The following SNRPC variants were observed in gnomAD, a reference collection of about 807,000 sequenced individuals.
The protein encoded by SNRPC is U1 small nuclear ribonucleoprotein C.
In SNRPC, 5 loss-of-function variants were observed where a neutral mutation model predicts 20.0. The ratio of observed to expected loss-of-function variants is 0.25; its 90% confidence interval spans 0.13 to 0.53. The LOEUF (loss-of-function observed/expected upper bound fraction) is 0.53, where lower values mean the gene tolerates loss of function less well. Ranked by LOEUF, SNRPC falls within the 20% of genes least tolerant of loss-of-function variation. The pLI is 0.96. For synonymous variants in SNRPC, 61 were observed against 58.7 expected (o/e 1.04, Z -0.18); for missense variants, 112 against 224.1 (o/e 0.50, Z 3.19).
intron 3 of SNRPC, among the ~76,000 whole-genome samples, chr6:34,764,824 C>A (rs1171821786): frequency 6.6e-6 from 1 of 151,924 alleles, no homozygotes; most frequent in Non-Finnish European, 1.5e-5. Flanking sequence ...CAGTTTGAGA[C>A]CAGCCTGACC....
intron 5 of SNRPC, 29 bp downstream of exon 5, chr6:34,770,424 T>A: frequency 6.9e-7 from 1 of 1,441,426 alleles, no homozygotes; most frequent in South Asian, 1.1e-5. Flanking sequence ...CTTTCTAGTT[T>A]GTTCCATTTA....
chr6:34,768,719 A>G (rs891840618), intron 4 of SNRPC, among the ~76,000 whole-genome samples: 3 of 148,718 alleles, frequency 2.0e-5, no homozygotes, highest in Non-Finnish European at 3.0e-5. Context: ...CTCACTGTGT[A>G]CTCCAGCCTG....
chr6:34,763,329 TAATC>T lies in SNRPC; in HGVS notation c.160+628_160+631del, dbSNP rs562041030. Among the ~76,000 whole-genome samples, 8 of 152,304 alleles carry T rather than the reference TAATC, an allele frequency of 5.3e-5. No individual in the cohort carries two copies. In the South Asian group the frequency reaches 1.2e-3, roughly 24 times the overall value. Reference sequence around the variant, plus strand: ...GGTATATTTGAATCACGGCCTTTCTTAATCATTCATTGTACTCCAAGCTGGCAAG... The same window carrying T: ...GGTATATTTGAATCACGGCCTTTCTTATTCATTGTACTCCAAGCTGGCAAG... On this transcript the variant is annotated intron_variant, in intron 3 of 5. Coordinates refer to ENST00000244520, the MANE Select transcript of SNRPC (RefSeq NM_003093.3).
intron 4 of SNRPC, among the ~76,000 whole-genome samples, chr6:34,768,896 CGTACT>C (rs1173011685): frequency 2.6e-5 from 4 of 152,172 alleles, no homozygotes; most frequent in East Asian, 3.9e-4. Context: ...TGTACTGGGT[CGTACT>C]GTACTGTAGC....
In SNRPC at chr6:34,762,615, C is replaced by T; in HGVS notation, c.72C>T (p.His24=). 2 of 1,588,342 alleles carry T rather than the reference C, an allele frequency of 1.3e-6. No individual in the cohort carries two copies. The highest frequency in any genetic ancestry group is 1.7e-6 in the Non-Finnish European group (2 of 1,156,486). The change falls in exon 3 of 6, where the codon CAC becomes CAT. Residue 24 remains histidine, a synonymous_variant. Transcript: ENST00000244520. ...THDSPSVRKT[H]CSGRKHKENV... is the part of the protein sequence containing the mutation. ...TACAGCCATCTGTGAGAAAGACACA[C>T]TGCAGTGGAAGGAAACACAAAGAGA...
chr6:34,769,575 T>C (rs1764660446), intron 4 of SNRPC, among the ~76,000 whole-genome samples: 1 of 152,212 alleles, frequency 6.6e-6, no homozygotes, highest in African/African-American at 2.4e-5. Context: ...CATATAAGTC[T>C]TTGCATTTTC....
intron 3 of SNRPC, among the ~76,000 whole-genome samples, chr6:34,765,177 G>A (rs1041105267): frequency 6.6e-6 from 1 of 152,080 alleles, no homozygotes. Flanking sequence ...TTGCTGTGAG[G>A]GTCTTTCTGT....
At chr6:34,771,241 A>G (rs889937566) in intron 5 of SNRPC, among the ~76,000 whole-genome samples, 5 of 151,560 alleles carry the variant, frequency 3.3e-5, no homozygotes, top group African/African-American at 1.2e-4. Context: ...AGGCAGGAGA[A>G]TCACTTGAAC....
Position 34,773,398 on chromosome 6 carries a change from G to A in SNRPC, c.356-48G>A, listed in dbSNP as rs2236392. The A allele has an allele frequency of 0.069, 109,248 of 1,583,980 alleles. 5,245 individuals carry two copies. The highest frequency in any genetic ancestry group is 0.28 in the East Asian group (12,560 of 44,438). On this transcript the variant is annotated intron_variant, in intron 5 of 5. Coordinates refer to ENST00000244520, the MANE Select transcript of SNRPC (RefSeq NM_003093.3). This position sits in a 1 kb window ranked among gnomAD's most constrained non-coding sequence, Gnocchi z 4.1. Reference sequence around the variant, plus strand: ...AGTCCCATCAAACTCTCCCTAAATCGTATTTTCTGACTCCCTTTTTCTCCC... The same window carrying A: ...AGTCCCATCAAACTCTCCCTAAATCATATTTTCTGACTCCCTTTTTCTCCC...
intron 3 of SNRPC, among the ~76,000 whole-genome samples, chr6:34,766,207 T>C (rs1764611893): frequency 6.6e-6 from 1 of 152,108 alleles, no homozygotes; most frequent in Non-Finnish European, 1.5e-5. Context: ...TATTTAAATT[T>C]TAATTTTTTT....
rs139748513 is a variant in SNRPC, at chr6:34,761,280, C to G, written c.52-1315C>G. ...TCAGCCTCCCGAGTAGCTGGGATTACAGGCGCGTGCCATCATGCCCAACTA... is the reference window on the plus strand; with the variant it reads ...TCAGCCTCCCGAGTAGCTGGGATTAGAGGCGCGTGCCATCATGCCCAACTA... On this transcript the variant is annotated intron_variant, in intron 2 of 5. Coordinates refer to ENST00000244520, the MANE Select transcript of SNRPC (RefSeq NM_003093.3). Among the ~76,000 whole-genome samples the G allele has an allele frequency of 2.8e-4, 43 of 151,730 alleles. No individual in the cohort carries two copies. In the East Asian group the frequency reaches 7.8e-3, roughly 27 times the overall value.
At chr6:34,764,560 G>C (rs1355260389) in intron 3 of SNRPC, among the ~76,000 whole-genome samples, 1 of 152,132 alleles carries the variant, frequency 6.6e-6, no homozygotes, top group African/African-American at 2.4e-5. Context: ...CTACTTGGGA[G>C]ACTGAGGCAG....
rs1440997480 is a variant in SNRPC, at chr6:34,773,687, T to C, written c.*117T>C. On this transcript the variant is annotated 3_prime_UTR_variant, in exon 6 of 6. Coordinates refer to ENST00000244520, the MANE Select transcript of SNRPC (RefSeq NM_003093.3). This position sits in a 1 kb window ranked among gnomAD's most constrained non-coding sequence, Gnocchi z 4.1. ...AGCATAAGGAAGACTTGCTCCCCTG[T>C]CCTATGAAAGAGAATAGTTTTGGAG... 1.2e-6 allele frequency: 1 copy of C among 850,002 alleles called. No homozygotes were observed. The highest frequency in any genetic ancestry group is 1.7e-5 in the African/African-American group (1 of 60,066). The allele number at this position is 850,002 out of a possible 1,614,324, so 52.7% of individuals were successfully genotyped here.
At chr6:34,761,915 C>T (rs1041607750) in intron 2 of SNRPC, among the ~76,000 whole-genome samples, 49 of 152,080 alleles carry the variant, frequency 3.2e-4, no homozygotes, top group African/African-American at 1.1e-3. Context: ...TGGGCTCAAA[C>T]GTGCTTCCCA....
rs1764469150 is a variant in SNRPC at position 34,757,566 on chromosome 6, G to A, written c.8+15G>A. 1 of 1,611,904 alleles carries A rather than the reference G, an allele frequency of 6.2e-7. No homozygotes were observed. The highest frequency in any genetic ancestry group is 8.5e-7 in the Non-Finnish European group (1 of 1,178,138). On this transcript the variant is annotated intron_variant, in intron 1 of 5. Transcript: ENST00000244520. ...AACATGCCCAAGTGAGTGGGGCCCC[G>A]AAATCTGAGGGTGATCGTAGTCACT...
At chr6:34,758,006 A>G in intron 2 of SNRPC, 52 bp downstream of exon 2, 1 of 1,564,376 alleles carries the variant, frequency 6.4e-7, no homozygotes, top group Non-Finnish European at 8.6e-7. Context: ...GTAATAATTA[A>G]ATGAGTTTTG....
rs1359653748 is a variant in SNRPC, at chr6:34,773,444, A to G, written c.356-2A>G. The G allele has an allele frequency of 6.2e-7, 1 of 1,613,256 alleles. No homozygotes were observed. Among genetic ancestry groups the G allele is most frequent in the African/African-American group, 1.3e-5 (1 of 74,788 alleles). ...CTCCCTCTTCTTTGTTTTGTCCTGC[A>G]GCTCCTGGAATGAGGCCGCCCATGG... On this transcript the variant is annotated splice_acceptor_variant, in intron 5 of 5. Transcript: ENST00000244520. LOFTEE classifies it high-confidence loss of function. The surrounding 1 kb of genome is among the most constrained non-coding windows in gnomAD (Gnocchi z 4.1).
Position 34,773,148 on chromosome 6 carries a change from G to A in SNRPC, c.356-298G>A, listed in dbSNP as rs1435376513. Reference sequence around the variant, plus strand: ...GAGTGAGAAAAAAAGGTCAGTTTAGGGAACTAGTGTCCCTGGCGATTTCTG... The same window carrying A: ...GAGTGAGAAAAAAAGGTCAGTTTAGAGAACTAGTGTCCCTGGCGATTTCTG... On this transcript the variant is annotated intron_variant, in intron 5 of 5. Coordinates refer to ENST00000244520, the MANE Select transcript of SNRPC (RefSeq NM_003093.3). The surrounding 1 kb of genome is among the most constrained non-coding windows in gnomAD (Gnocchi z 4.1). 3.4e-6 allele frequency: 1 copy of A among 298,000 alleles called. No homozygotes were observed. The highest frequency in any genetic ancestry group is 7.0e-5 in the East Asian group (1 of 14,366). The allele number at this position is 298,000 out of a possible 1,614,324, so 18.5% of individuals were successfully genotyped here.
At chr6:34,766,291 C>T (rs112634646) in intron 3 of SNRPC, among the ~76,000 whole-genome samples, 1 of 152,018 alleles carries the variant, frequency 6.6e-6, no homozygotes, top group Non-Finnish European at 1.5e-5. Context: ...GCCTTGAACT[C>T]CTGGGCTCAA....
Sources: gnomAD v4.1 joint callset for allele counts (sites outside exome capture counted in the v4.1 genomes callset) on GRCh38, gnomAD v4.1.1 for gene constraint, Gnocchi (gnomAD v3.1) non-coding constraint, MANE v1.5 for transcripts, NCBI Gene and HGNC (gene_info 2026-07-23, HGNC 2026-07-21) for gene names.